The following CCDC178 variants were observed in gnomAD, a reference collection of about 807,000 sequenced individuals.
CCDC178 encodes coiled-coil domain-containing protein 178.
CCDC178 carries 126 observed loss-of-function variants against 117.4 expected under a neutral mutation model. The ratio of observed to expected loss-of-function variants is 1.07; its 90% CI spans 0.93 to 1.24. The LOEUF (loss-of-function observed/expected upper bound fraction) is 1.24, where lower values mean the gene tolerates loss of function less well. Ranked by LOEUF, CCDC178 falls within the 50% of genes most tolerant of loss-of-function variation. The pLI is 0.00. For synonymous variants in CCDC178, 283 were observed against 313.4 expected, an observed-to-expected ratio of 0.90 and a Z score of 1.02; for missense variants, 1,030 against 986.9, an observed-to-expected ratio of 1.04 and a Z score of -0.59.
chr18:33,327,755 G>T (rs1191451686), intron 10 of CCDC178, among the ~76,000 whole-genome samples: 4 of 151,920 alleles, frequency 2.6e-5, no homozygotes, highest in African/African-American at 9.7e-5. Flanking sequence ...TCTTTCTGAA[G>T]ATATGTCTAT....
intron 2 of CCDC178, among the ~76,000 whole-genome samples, chr18:33,431,191 C>CTTTTTT (rs35139388): frequency 1.4e-4 from 16 of 117,234 alleles, no homozygotes; most frequent in East Asian, 2.6e-4. Context: ...AATGATTTAA[C>CTTTTTT]TTTTTTTTTT....
chr18:32,984,676 T>A (rs9958315), intron 21 of CCDC178, among the ~76,000 whole-genome samples: 2 of 151,882 alleles, frequency 1.3e-5, no homozygotes, highest in East Asian at 1.9e-4. Context: ...ATTGAAAAAA[T>A]TGTTAAACCA....
At chr18:33,369,976 G>T (rs1412608321) in intron 6 of CCDC178, 74 bp downstream of exon 6, 1 of 1,247,016 alleles carries the variant, frequency 8.0e-7, no homozygotes, top group Non-Finnish European at 1.1e-6. Context: ...AGTTTCCTGG[G>T]TTCTTTAAAT....
At chr18:33,242,361 A>C (rs2059498106) in intron 15 of CCDC178, among the ~76,000 whole-genome samples, 1 of 151,922 alleles carries the variant, frequency 6.6e-6, no homozygotes, top group Non-Finnish European at 1.5e-5. Context: ...TATTATTCCA[A>C]AGACCTCAAA....
chr18:33,339,918 A>G (rs1031858161), intron 9 of CCDC178, among the ~76,000 whole-genome samples: 3 of 152,014 alleles, frequency 2.0e-5, no homozygotes, highest in Non-Finnish European at 4.4e-5. Context: ...AAAATGAACT[A>G]ATACAGTAAA....
intron 22 of CCDC178, 128 bp from the exon 23 acceptor site, chr18:32,938,219 CT>C (rs1330719684): frequency 3.0e-6 from 2 of 662,286 alleles, no homozygotes; most frequent in African/African-American, 3.6e-5. Context: ...CCATTACATT[CT>C]CCTTTATAGG....
At chr18:33,102,669 A>C (rs1047416709) in intron 20 of CCDC178, among the ~76,000 whole-genome samples, 2 of 151,750 alleles carry the variant, frequency 1.3e-5, no homozygotes, top group Admixed American at 6.6e-5. Context: ...AGCACTGTCC[A>C]AACCTTGCAA....
chr18:33,341,785 C>T (rs1462243579), intron 9 of CCDC178, among the ~76,000 whole-genome samples: 1 of 152,158 alleles, frequency 6.6e-6, no homozygotes, highest in Admixed American at 6.6e-5. Flanking sequence ...CCCAATTAAA[C>T]CTCTTTTTCT....
At chr18:33,114,840 T>A (rs896494218) in intron 20 of CCDC178, among the ~76,000 whole-genome samples, 9 of 152,084 alleles carry the variant, frequency 5.9e-5, no homozygotes, top group Non-Finnish European at 1.3e-4. Flanking sequence ...AGAAAATTAA[T>A]CTGTTCCATA....
chr18:33,085,496 G>A (rs1045725175), intron 21 of CCDC178, among the ~76,000 whole-genome samples: 6 of 152,104 alleles, frequency 3.9e-5, no homozygotes, highest in African/African-American at 1.4e-4. Flanking sequence ...CTGGGAGGCG[G>A]AGCTTGCAGT....
chr18:32,990,339 C>G (rs909362990), intron 21 of CCDC178, among the ~76,000 whole-genome samples: 2 of 152,002 alleles, frequency 1.3e-5, no homozygotes, highest in South Asian at 4.2e-4. Flanking sequence ...GAGACATTTG[C>G]CCTGCGATAT....
chr18:32,999,977 A>G (rs749406583), intron 21 of CCDC178, among the ~76,000 whole-genome samples: 1 of 152,190 alleles, frequency 6.6e-6, no homozygotes, highest in Non-Finnish European at 1.5e-5. Flanking sequence ...AAGGCCATCC[A>G]GGAAAATAAG....
At chr18:33,370,357 G>A (rs1050860642) in intron 5 of CCDC178, among the ~76,000 whole-genome samples, 168 bp from the exon 6 acceptor site, 7 of 151,790 alleles carry the variant, frequency 4.6e-5, no homozygotes, top group Non-Finnish European at 8.8e-5. Context: ...TTTAAAAAAC[G>A]TACAAGCTAA....
Position 32,963,472 on chromosome 18 carries a change from C to T in CCDC178, c.2523+11075G>A, listed in dbSNP as rs529033932. On this transcript the variant is annotated intron_variant, in intron 22 of 22. Coordinates refer to ENST00000383096, the MANE Select transcript of CCDC178 (RefSeq NM_001105528.4). ...AATATTTAATCATGTAATTATTATT[C>T]CTGAATATTTTTATATCTCCCTCTT... Among the ~76,000 whole-genome samples, 4 of 152,080 alleles carry T rather than the reference C, an allele frequency of 2.6e-5. No individual in the cohort carries two copies. The South Asian group carries it at 8.3e-4, about 31-fold the overall frequency.
intron 12 of CCDC178, among the ~76,000 whole-genome samples, chr18:33,291,566 A>G (rs2060166074): frequency 6.6e-6 from 1 of 152,206 alleles, no homozygotes; most frequent in South Asian, 2.1e-4. Context: ...GCAAATTGGC[A>G]TAATAATTTA....
intron 5 of CCDC178, among the ~76,000 whole-genome samples, chr18:33,385,291 G>A (rs1444582060): frequency 6.6e-6 from 1 of 152,098 alleles, no homozygotes; most frequent in Non-Finnish European, 1.5e-5. Flanking sequence ...CTCACTGTCA[G>A]TATTAGACAG....
intron 19 of CCDC178, among the ~76,000 whole-genome samples, chr18:33,213,944 G>A (rs1168715940): frequency 6.6e-6 from 1 of 152,084 alleles, no homozygotes; most frequent in African/African-American, 2.4e-5. Context: ...GGGCCTGGCA[G>A]TATGCCCACT....
intron 21 of CCDC178, among the ~76,000 whole-genome samples, chr18:33,005,781 TCTTTTTC>T (rs1358336043): frequency 1.3e-5 from 2 of 152,040 alleles, no homozygotes; most frequent in East Asian, 1.9e-4. Flanking sequence ...AGTAGATGCT[TCTTTTTC>T]TACAGTTCTA....
intron 5 of CCDC178, among the ~76,000 whole-genome samples, chr18:33,373,243 A>G (rs905373590): frequency 2.6e-5 from 4 of 152,134 alleles, no homozygotes; most frequent in African/African-American, 9.7e-5. Context: ...AATAATACAC[A>G]TGGACTCTCA....
Sources: allele counts gnomAD v4.1 joint callset (sites outside exome capture counted in the v4.1 genomes callset), GRCh38; gene constraint gnomAD v4.1.1; transcripts MANE v1.5; gene names NCBI Gene and HGNC (gene_info 2026-07-23, HGNC 2026-07-21).